ADAMTSL1: variants seen among roughly 807,000 people sequenced by gnomAD.
ADAMTSL1 encodes the protein ADAMTS like 1.
In ADAMTSL1, 126 loss-of-function variants were observed where a neutral mutation model predicts 201.8. The ratio of observed to expected loss-of-function variants is 0.62; its 90% CI spans 0.54 to 0.72. ADAMTSL1 has a LOEUF of 0.72. Ranked by LOEUF, ADAMTSL1 falls within the 30% of genes least tolerant of loss-of-function variation. The probability of loss-of-function intolerance (pLI) is 0.00; values close to 1 mark genes in which losing one functional copy is unlikely to be tolerated. For missense variants in ADAMTSL1, 2,679 were observed against 2,277.8 expected (o/e 1.18, Z -3.59); for synonymous variants, 1,121 against 903.4 (o/e 1.24, Z -4.32).
At chr9:18,529,151 T>G (rs982527081) in intron 2 of ADAMTSL1, among the ~76,000 whole-genome samples, 1 of 152,204 alleles carries the variant, frequency 6.6e-6, no homozygotes, top group South Asian at 2.1e-4. Context: ...ATTTTAACTT[T>G]CAAAAATATA....
At chr9:18,528,476 C>T (rs535821178) in intron 2 of ADAMTSL1, among the ~76,000 whole-genome samples, 15 of 152,190 alleles carry the variant, frequency 9.9e-5, no homozygotes, top group Admixed American at 5.2e-4. Context: ...TCTGTTCCTC[C>T]ATTAGTTTGC....
chr9:18,402,678 C>T (rs1311399847), intron 2 of ADAMTSL1, among the ~76,000 whole-genome samples: 1 of 152,168 alleles, frequency 6.6e-6, no homozygotes, highest in African/African-American at 2.4e-5. Context: ...CTCTTTCTTG[C>T]TCCAGGCCTT....
chr9:18,049,619 C>CTTTT (rs61679017), intron 1 of ADAMTSL1, among the ~76,000 whole-genome samples: 1 of 143,738 alleles, frequency 7.0e-6, no homozygotes, highest in Non-Finnish European at 1.5e-5. Context: ...ACTTCTTATT[C>CTTTT]TTTTTTTTTT....
chr9:18,275,382 A>G (rs1397811322), intron 2 of ADAMTSL1, among the ~76,000 whole-genome samples: 2 of 152,158 alleles, frequency 1.3e-5, no homozygotes, highest in African/African-American at 2.4e-5. Flanking sequence ...AAATTAGCCC[A>G]TTTTAAGTGT....
chr9:18,737,364 C>T (rs1018906784), intron 15 of ADAMTSL1, among the ~76,000 whole-genome samples: 7 of 146,026 alleles, frequency 4.8e-5, no homozygotes, highest in African/African-American at 1.8e-4. Flanking sequence ...AGGAAGACTT[C>T]CACTCCAGAG....
intron 20 of ADAMTSL1, among the ~76,000 whole-genome samples, chr9:18,813,554 T>A (rs1233327544): frequency 6.6e-6 from 1 of 152,228 alleles, no homozygotes; most frequent in Non-Finnish European, 1.5e-5. Context: ...TTGGTTAAAT[T>A]TGTTCCTAAG....
At chr9:18,675,721 T>C (rs950287290) in intron 9 of ADAMTSL1, 136 bp from the exon 10 acceptor site, 1 of 756,494 alleles carries the variant, frequency 1.3e-6, no homozygotes, top group Non-Finnish European at 2.2e-6. Flanking sequence ...TAAAACTGTT[T>C]TAGTGTTGTT....
chr9:18,104,811 C>A (rs1824686838), intron 1 of ADAMTSL1, among the ~76,000 whole-genome samples: 2 of 152,130 alleles, frequency 1.3e-5, no homozygotes, highest in Non-Finnish European at 2.9e-5. Context: ...TTCAATTATT[C>A]AAATATTCAA....
At chr9:18,852,648 A>T (rs192112920) in intron 23 of ADAMTSL1, among the ~76,000 whole-genome samples, 31 of 152,358 alleles carry the variant, frequency 2.0e-4, no homozygotes, top group Admixed American at 6.5e-4. Flanking sequence ...GAAAAAGGAA[A>T]GGACTTTCGC....
chr9:18,522,663 T>A (rs1289585000), intron 2 of ADAMTSL1, among the ~76,000 whole-genome samples: 1 of 149,122 alleles, frequency 6.7e-6, no homozygotes, highest in Non-Finnish European at 1.5e-5. Flanking sequence ...ACTGTTCAAT[T>A]CCCACCTATG....
intron 10 of ADAMTSL1, among the ~76,000 whole-genome samples, chr9:18,676,314 A>G (rs1830127222): frequency 6.6e-6 from 1 of 152,100 alleles, no homozygotes; most frequent in Non-Finnish European, 1.5e-5. Context: ...TACCACTAAC[A>G]TGGAATTCCA....
chr9:18,802,769 T>C (rs980607318), intron 20 of ADAMTSL1, among the ~76,000 whole-genome samples: 2 of 152,260 alleles, frequency 1.3e-5, no homozygotes, highest in Non-Finnish European at 2.9e-5. Context: ...ATGTTTACTA[T>C]TGAAGAAAGT....
At chr9:18,404,410 A>C (rs1818104859) in intron 2 of ADAMTSL1, among the ~76,000 whole-genome samples, 1 of 152,182 alleles carries the variant, frequency 6.6e-6, no homozygotes, top group Non-Finnish European at 1.5e-5. Flanking sequence ...TAGCTCAAAG[A>C]ATGCAGGTTT....
chr9:18,638,360 G>T (rs1208156285), intron 6 of ADAMTSL1, among the ~76,000 whole-genome samples: 1 of 151,988 alleles, frequency 6.6e-6, no homozygotes, highest in Non-Finnish European at 1.5e-5. Context: ...TTTCTGCTGA[G>T]GAATCTCTGC....
chr9:18,052,173 T>A (rs1163207709), intron 1 of ADAMTSL1, among the ~76,000 whole-genome samples: 1 of 152,210 alleles, frequency 6.6e-6, no homozygotes, highest in African/African-American at 2.4e-5. Context: ...TCAACAAATA[T>A]TTATCCAATA....
chr9:18,820,346 A>G (rs960271055), intron 21 of ADAMTSL1, among the ~76,000 whole-genome samples: 41 of 152,224 alleles, frequency 2.7e-4, no homozygotes, highest in Non-Finnish European at 4.7e-4. Flanking sequence ...ACAATGTGAT[A>G]TGTAGATACG....
intron 23 of ADAMTSL1, among the ~76,000 whole-genome samples, chr9:18,880,537 G>A (rs1457836497): frequency 6.6e-6 from 1 of 152,174 alleles, no homozygotes; most frequent in Non-Finnish European, 1.5e-5. Flanking sequence ...TTGAAAGAAG[G>A]CTTTTTCTCT....
chr9:18,424,517 T>G (rs774530892), intron 2 of ADAMTSL1, among the ~76,000 whole-genome samples: 2 of 152,158 alleles, frequency 1.3e-5, no homozygotes, highest in African/African-American at 2.4e-5. Flanking sequence ...GGGTAGATAA[T>G]TCTCCAGGAT....
chr9:18,348,333 T>A (rs1835815347), intron 2 of ADAMTSL1, among the ~76,000 whole-genome samples: 1 of 152,098 alleles, frequency 6.6e-6, no homozygotes, highest in Admixed American at 6.6e-5. Flanking sequence ...TTTGCACACA[T>A]CTTCCATCAC....
Sources: gnomAD v4.1 joint callset for allele counts (sites outside exome capture counted in the v4.1 genomes callset) on GRCh38, gnomAD v4.1.1 for gene constraint, MANE v1.5 for transcripts, NCBI Gene and HGNC (gene_info 2026-07-23, HGNC 2026-07-21) for gene names.